SLC45A4: variants seen among roughly 807,000 people sequenced by gnomAD.
SLC45A4 encodes solute carrier family 45 member 4, also known as polyamine-transporter SLC45A4.
In SLC45A4, 32 loss-of-function variants were observed where a neutral mutation model predicts 63.7. The observed-to-expected ratio is 0.50, with a 90% confidence interval of 0.38 to 0.67. SLC45A4 has a LOEUF of 0.67. Ranked by LOEUF, SLC45A4 falls within the 30% of genes least tolerant of loss-of-function variation. SLC45A4 has a pLI of 0.00. For missense variants in SLC45A4, 1,027 were observed against 1,157.7 expected (o/e 0.89, Z 1.64); for synonymous variants, 535 against 510.0 (o/e 1.05, Z -0.66).
At chr8:141,240,675 G>A (rs1040187652) in intron 2 of SLC45A4, among the ~76,000 whole-genome samples, 5 of 152,220 alleles carry the variant, frequency 3.3e-5, no homozygotes, top group Non-Finnish European at 7.3e-5. Context: ...GCAGGTAGAG[G>A]TCAGAGGTTG....
chr8:141,217,176 G>C lies in SLC45A4; in HGVS notation c.1643C>G (p.Ser548Trp). The C allele has an allele frequency of 6.2e-7, 1 of 1,613,732 alleles. No individual in the cohort carries two copies. The highest frequency in any genetic ancestry group is 8.5e-7 in the Non-Finnish European group (1 of 1,179,966). ...GGCGTTGTAGGCTTGCCAGGCGGTC[G>C]AGTTCGAGGGGGCCTGTTCCGGAAA... ...FEGDPKAPSNSTAWQAYNAGV... is the reference protein window; with the variant it reads ...FEGDPKAPSNWTAWQAYNAGV... Residue 548 changes from serine (S) to tryptophan (W), a missense_variant, in exon 6 of 9, where the codon TCG becomes TGG. By Grantham distance (177) the Ser-to-Trp change is radical. Transcript: ENST00000517878.
intron 1 of SLC45A4, among the ~76,000 whole-genome samples, chr8:141,291,993 G>C (rs1481987687): frequency 6.6e-6 from 1 of 152,224 alleles, no homozygotes; most frequent in Admixed American, 6.5e-5. Context: ...CTCAGATTCT[G>C]GGGTCTGGCC....
chr8:141,271,284 C>T lies in SLC45A4; in HGVS notation c.-400-16655G>A, dbSNP rs567951236. 3.9e-5 allele frequency among the ~76,000 whole-genome samples: 6 copies of T among 152,334 alleles called. No individual in the cohort carries two copies. The South Asian group carries it at 1.2e-3, about 32-fold the overall frequency. ...TGCTGGTGGCAAGGCCCCTGCACCA[C>T]AGGCTAGAGCATCACCTCACAGCTT... On this transcript the variant is annotated intron_variant, in intron 1 of 8. Transcript: ENST00000517878.
chr8:141,281,950 G>C (rs1157720948), intron 1 of SLC45A4, among the ~76,000 whole-genome samples: 1 of 151,874 alleles, frequency 6.6e-6, no homozygotes. Context: ...AGGACGCGTG[G>C]TGGCTCCTGC....
Position 141,211,648 on chromosome 8 carries a change from G to T in SLC45A4, c.2351C>A (p.Pro784Gln), listed in dbSNP as rs561540896. ...AAGAAAAATACTCTCCAACAGCTGC[G>T]GCACCAGCCAATGTGACGAGATCTG... Reference protein sequence around the residue: ...VCQISSHWLVPQLLESIFLYD... With the variant: ...VCQISSHWLVQQLLESIFLYD... The change falls in exon 9 of 9, where the codon CCG (proline) becomes CAG (glutamine). Residue 784 changes from proline (P) to glutamine (Q), a missense_variant. Transcript: ENST00000517878. 3.1e-6 allele frequency: 5 copies of T among 1,609,414 alleles called. No homozygotes were observed. Among genetic ancestry groups the T allele is most frequent in the Non-Finnish European group, 4.2e-6 (5 of 1,178,014 alleles).
chr8:141,236,834 C>A (rs959834046), intron 2 of SLC45A4, among the ~76,000 whole-genome samples: 2 of 152,190 alleles, frequency 1.3e-5, no homozygotes, highest in Non-Finnish European at 2.9e-5. Flanking sequence ...CTCAGAGAGC[C>A]ACTGGGCGGT....
intron 7 of SLC45A4, among the ~76,000 whole-genome samples, chr8:141,214,449 T>A (rs1056838089): frequency 3.3e-5 from 5 of 152,180 alleles, no homozygotes; most frequent in Non-Finnish European, 7.4e-5. Context: ...TAGAAGGGCA[T>A]GTCACACTGA....
At chr8:141,249,586 C>G (rs1053712616) in intron 2 of SLC45A4, among the ~76,000 whole-genome samples, 15 of 152,138 alleles carry the variant, frequency 9.9e-5, no homozygotes, top group Non-Finnish European at 8.8e-5. Context: ...CATTTGGGAG[C>G]ACTGGGGTGA....
At position 141,212,321 on chromosome 8, in the gene SLC45A4, TCC is replaced by T; in HGVS notation, c.2175_2176del (p.Glu726AlafsTer47). ...CAACGGGGAAGACAGGCCTTTCTGC[TCC>T]TCCTTGGCCTCCTCTGACACGTTGG... is the stretch of plus-strand genomic sequence containing the variant. On this transcript the variant is annotated frameshift_variant, in exon 8 of 9. Transcript: ENST00000517878. LOFTEE classifies it high-confidence loss of function. The T allele has an allele frequency of 6.2e-7, 1 of 1,611,072 alleles. No individual in the cohort carries two copies. Among genetic ancestry groups the T allele is most frequent in the Non-Finnish European group, 8.5e-7 (1 of 1,178,138 alleles).
chr8:141,212,277 C>A lies in SLC45A4; in HGVS notation c.2221G>T (p.Gly741Cys). 6.2e-7 allele frequency: 1 copy of A among 1,603,440 alleles called. No individual in the cohort carries two copies. Among genetic ancestry groups the A allele is most frequent in the South Asian group, 1.1e-5 (1 of 90,282 alleles). The stretch of plus-strand genomic sequence containing the variant: ...ACGGTGGGCTTTTCGCTGTTCCCAC[C>A]GGCCCTGCCTTCGCCGGCCAACGGG... ...SSPLAGEGRA[G>C]GNSEKPTVLK... The change falls in exon 8 of 9, where the codon GGT (glycine) becomes TGT (cysteine). Residue 741 changes from glycine (G) to cysteine (C), a missense_variant. Transcript: ENST00000517878.
In SLC45A4 at chr8:141,239,806, C is replaced by T. The variant is rs545971443; in HGVS notation, c.241+14183G>A. Among the ~76,000 whole-genome samples, 3 of 152,334 alleles carry T rather than the reference C, an allele frequency of 2.0e-5. No individual in the cohort carries two copies. In the South Asian group the frequency reaches 6.2e-4, roughly 32 times the overall value. ...GAGACTGGGCTCTGGAGGGCATGGCCTCTGCAGGTGACTCAGTGCGGGGCT... is the reference window on the plus strand; with the variant it reads ...GAGACTGGGCTCTGGAGGGCATGGCTTCTGCAGGTGACTCAGTGCGGGGCT... On this transcript the variant is annotated intron_variant, in intron 2 of 8. Transcript: ENST00000517878.
At chr8:141,220,894 G>A (rs919020293) in intron 3 of SLC45A4, among the ~76,000 whole-genome samples, 14 of 152,354 alleles carry the variant, frequency 9.2e-5, no homozygotes, top group East Asian at 3.9e-4. Context: ...CCCAGCAGGC[G>A]CCAGGGCAGC....
At chr8:141,293,587 G>A (rs1255822620) in intron 1 of SLC45A4, among the ~76,000 whole-genome samples, 1 of 152,220 alleles carries the variant, frequency 6.6e-6, no homozygotes, top group Admixed American at 6.5e-5. Flanking sequence ...GGACAAGGGG[G>A]AAGGCATGCT....
chr8:141,299,478 G>C (rs1025448078), intron 1 of SLC45A4, among the ~76,000 whole-genome samples: 11 of 152,202 alleles, frequency 7.2e-5, no homozygotes, highest in African/African-American at 2.7e-4. Context: ...TGTGGGTGTC[G>C]TTCTCGCCAC....
intron 8 of SLC45A4, 62 bp downstream of exon 8, chr8:141,212,135 G>A (rs1465928875): frequency 3.4e-4 from 187 of 545,806 alleles, no homozygotes; most frequent in Admixed American, 8.0e-4. Context: ...GCCTGGCCCC[G>A]CCGCCCGCCC....
At chr8:141,280,045 G>A (rs1482499756) in intron 1 of SLC45A4, among the ~76,000 whole-genome samples, 1 of 152,240 alleles carries the variant, frequency 6.6e-6, no homozygotes, top group East Asian at 1.9e-4. Context: ...CCCAGGCACT[G>A]CTTCCAGCCT....
intron 2 of SLC45A4, 24 bp from the exon 3 acceptor site, chr8:141,221,789 G>A (rs373214879): frequency 5.0e-6 from 8 of 1,599,216 alleles, no homozygotes; most frequent in Admixed American, 1.7e-5. Flanking sequence ...GAGGGCCGTC[G>A]CACACGCAGG....
At chr8:141,244,198 T>C (rs1828054189) in intron 2 of SLC45A4, among the ~76,000 whole-genome samples, 1 of 152,174 alleles carries the variant, frequency 6.6e-6, no homozygotes, top group Non-Finnish European at 1.5e-5. Flanking sequence ...TGGTAACACC[T>C]GGGTTTGAAA....
chr8:141,286,738 G>GCC (rs1291137083), intron 1 of SLC45A4, among the ~76,000 whole-genome samples: 1 of 70,152 alleles, frequency 1.4e-5, no homozygotes, highest in South Asian at 5.7e-4. Context: ...CAGCCCCCCC[G>GCC]CCCCCCCGCT....
Sources: gnomAD v4.1 joint callset for allele counts (sites outside exome capture counted in the v4.1 genomes callset) on GRCh38, gnomAD v4.1.1 for gene constraint, MANE v1.5 for transcripts, NCBI Gene and HGNC (gene_info 2026-07-23, HGNC 2026-07-21) for gene names.